The following RBSN variants were observed in gnomAD, a reference collection of about 807,000 sequenced individuals.
The protein encoded by RBSN is rabenosyn-5.
In RBSN, 34 loss-of-function variants were observed where a neutral mutation model predicts 60.5. That is an observed-to-expected ratio of 0.56 (90% CI 0.43 to 0.75). The LOEUF (loss-of-function observed/expected upper bound fraction) is 0.75, where lower values mean the gene tolerates loss of function less well. Ranked by LOEUF, RBSN falls within the 30% of genes least tolerant of loss-of-function variation. The pLI is 0.00. For synonymous variants in RBSN, 322 were observed against 366.9 expected (o/e 0.88, Z 1.40); for missense variants, 845 against 986.8 (o/e 0.86, Z 1.92).
intron 9 of RBSN, among the ~76,000 whole-genome samples, chr3:15,081,740 C>G (rs998584512): frequency 3.3e-5 from 5 of 152,262 alleles, no homozygotes; most frequent in Non-Finnish European, 7.3e-5. Context: ...ACTGCCTCCC[C>G]ACCCAGTCCA....
At position 15,073,522 on chromosome 3, in the gene RBSN, C is replaced by T. The variant is rs201461257; in HGVS notation, c.*260G>A. The T allele has an allele frequency of 3.1e-4, 139 of 443,328 alleles. 1 individual carries two copies. Among genetic ancestry groups the T allele is most frequent in the African/African-American group, 2.3e-3 (115 of 50,118 alleles). The allele number at this position is 443,328 out of a possible 1,614,324, so 27.5% of individuals were successfully genotyped here. A position where few individuals can be genotyped will look rare whatever the true frequency, so the allele number is the denominator to read the frequency against. ...AGTCCCTTCAAAAGGGGTAAACCTCCGATTACAAAAGATAGTAATAATAAA... is the reference window on the plus strand; with the variant it reads ...AGTCCCTTCAAAAGGGGTAAACCTCTGATTACAAAAGATAGTAATAATAAA... On this transcript the variant is annotated 3_prime_UTR_variant, in exon 14 of 14. Coordinates refer to ENST00000253699, the MANE Select transcript of RBSN (RefSeq NM_022340.4).
intron 5 of RBSN, among the ~76,000 whole-genome samples, chr3:15,086,683 T>C (rs189846747): frequency 6.6e-6 from 1 of 152,370 alleles, no homozygotes; most frequent in East Asian, 1.9e-4. Flanking sequence ...ATTTTTGAAT[T>C]ATCTTATTGT....
At chr3:15,075,433 A>G (rs1345202887) in intron 13 of RBSN, 173 bp downstream of exon 13, 2 of 710,594 alleles carry the variant, frequency 2.8e-6, no homozygotes, top group Admixed American at 4.0e-5. Flanking sequence ...GAGAAAAACA[A>G]TTATTCTAGT....
chr3:15,084,888 T>C lies in RBSN; in HGVS notation c.445A>G (p.Lys149Glu). 6.2e-7 allele frequency: 1 copy of C among 1,613,674 alleles called. No homozygotes were observed. The highest frequency in any genetic ancestry group is 8.5e-7 in the Non-Finnish European group (1 of 1,179,754). Reference sequence around the variant, plus strand: ...TCGTTGACCCAAGGCACCACAGACTTTTCTATTGCTTTGGGAAGAGCAAAC... The same window carrying C: ...TCGTTGACCCAAGGCACCACAGACTCTTCTATTGCTTTGGGAAGAGCAAAC... ...TESAKIRAIE[K>E]SVVPWVNDQD... The change falls in exon 8 of 14, where the codon AAG becomes GAG. Residue 149 changes from lysine to glutamate, a missense_variant. By Grantham distance (56) the Lys-to-Glu change is moderately conservative. Coordinates refer to ENST00000253699, the MANE Select transcript of RBSN (RefSeq NM_022340.4). The surrounding 1 kb of genome is among the most constrained non-coding windows in gnomAD (Gnocchi z 4.2).
intron 13 of RBSN, 136 bp from the exon 14 acceptor site, chr3:15,075,066 A>G: frequency 8.5e-6 from 9 of 1,060,338 alleles, no homozygotes; most frequent in Non-Finnish European, 1.2e-5. Context: ...AAGATATCCA[A>G]CTGCTAAAAT....
intron 9 of RBSN, 173 bp from the exon 10 acceptor site, chr3:15,080,975 G>A: frequency 1.7e-6 from 1 of 588,168 alleles, no homozygotes; most frequent in East Asian, 2.8e-5. Context: ...AATTTTGTAG[G>A]AAGGAAAGAA....
rs1428509346 is a variant in RBSN, at chr3:15,082,384, T to C, written c.823A>G (p.Ile275Val). 2.5e-6 allele frequency: 4 copies of C among 1,613,200 alleles called. No individual in the cohort carries two copies. The highest frequency in any genetic ancestry group is 1.1e-5 in the South Asian group (1 of 91,078). The change falls in exon 9 of 14, where the codon ATC (isoleucine) becomes GTC (valine). Residue 275 changes from isoleucine to valine, a missense_variant. Coordinates refer to ENST00000253699, the MANE Select transcript of RBSN (RefSeq NM_022340.4). This position sits in a 1 kb window ranked among gnomAD's most constrained non-coding sequence, Gnocchi z 4.2. ...CGAATCACCTCGTAGAGCTTCACGA[T>C]GTCAGGTGTGTGCTCCTTCTCATCA... Reference protein sequence around the residue: ...QIDEKEHTPDIVKLYEKLRLC... With the variant: ...QIDEKEHTPDVVKLYEKLRLC...
At chr3:15,078,785 T>C (rs1436758066) in intron 10 of RBSN, among the ~76,000 whole-genome samples, 237 of 37,170 alleles carry the variant, frequency 6.4e-3, no homozygotes, top group Non-Finnish European at 9.2e-3. Flanking sequence ...AATACATATA[T>C]ATATATATAT....
intron 8 of RBSN, among the ~76,000 whole-genome samples, chr3:15,083,920 A>G (rs983408025): frequency 1.3e-5 from 2 of 152,094 alleles, no homozygotes; most frequent in African/African-American, 2.4e-5. Flanking sequence ...TTCATTGTAC[A>G]TCTCTCTTTA....
chr3:15,087,782 G>A (rs368208405), intron 5 of RBSN, among the ~76,000 whole-genome samples: 1 of 151,298 alleles, frequency 6.6e-6, no homozygotes, highest in Non-Finnish European at 1.5e-5. Flanking sequence ...CACCATGCCA[G>A]GCTAATTTTT....
chr3:15,074,936 G>A lies in RBSN; in HGVS notation c.1207-6C>T. 6.2e-7 allele frequency: 1 copy of A among 1,602,614 alleles called. No individual in the cohort carries two copies. Among genetic ancestry groups the A allele is most frequent in the Non-Finnish European group, 8.5e-7 (1 of 1,175,656 alleles). ...CGCTGGGACTCCAGGGCAGCCTGGG[G>A]AGAGAGCAAAGCAGAGAGAAGAAAC... On this transcript the variant is annotated splice_polypyrimidine_tract_variant and splice_region_variant and intron_variant, in intron 13 of 13. Coordinates refer to ENST00000253699, the MANE Select transcript of RBSN (RefSeq NM_022340.4). The surrounding 1 kb of genome is among the most constrained non-coding windows in gnomAD (Gnocchi z 6.4).
chr3:15,076,460 CTTTGT>C (rs1242438796), intron 12 of RBSN, among the ~76,000 whole-genome samples: 2 of 151,930 alleles, frequency 1.3e-5, no homozygotes, highest in Admixed American at 6.6e-5. Context: ...AAAAAAAACA[CTTTGT>C]TTTAATTTAA....
intron 4 of RBSN, chr3:15,095,683 C>T (rs930302953): frequency 7.4e-6 from 4 of 538,162 alleles, no homozygotes; most frequent in Non-Finnish European, 1.3e-5. Context: ...ACAGCAATTA[C>T]ATTTACTAGA....
In RBSN at chr3:15,072,708, G is replaced by C. The variant is rs1575080176; in HGVS notation, c.*1074C>G. On this transcript the variant is annotated 3_prime_UTR_variant, in exon 14 of 14. Transcript: ENST00000253699. Reference sequence around the variant, plus strand: ...AAATAATACTAATATCAACCAAAAAGTTAACCACTCTTATTTTTTTTTGAG... The same window carrying C: ...AAATAATACTAATATCAACCAAAAACTTAACCACTCTTATTTTTTTTTGAG... 1 of 151,818 alleles carries C rather than the reference G, an allele frequency of 6.6e-6. No individual in the cohort carries two copies. The highest frequency in any genetic ancestry group is 1.9e-4 in the East Asian group (1 of 5,174). The allele number at this position is 151,818 out of a possible 1,614,324, so 9.4% of individuals were successfully genotyped here.
intron 6 of RBSN, among the ~76,000 whole-genome samples, chr3:15,085,374 TA>T (rs1181817542): frequency 2.0e-5 from 3 of 152,174 alleles, no homozygotes; most frequent in African/African-American, 7.2e-5. Flanking sequence ...TCCTGGACCC[TA>T]AAACTGGCCA....
At chr3:15,098,646 C>T (rs1228183362) in intron 1 of RBSN, among the ~76,000 whole-genome samples, 1 of 152,050 alleles carries the variant, frequency 6.6e-6, no homozygotes, top group Non-Finnish European at 1.5e-5. Flanking sequence ...ACACACAACA[C>T]GAACGACTCA....
At position 15,072,990 on chromosome 3, in the gene RBSN, G is replaced by A. The variant is rs973681296; in HGVS notation, c.*792C>T. On this transcript the variant is annotated 3_prime_UTR_variant, in exon 14 of 14. Coordinates refer to ENST00000253699, the MANE Select transcript of RBSN (RefSeq NM_022340.4). The stretch of plus-strand genomic sequence containing the variant: ...GGCCTCCCAAAGTGTTGCGATTACA[G>A]GCGTGAGCCAGCGCGCCCGGCCACC... The A allele has an allele frequency of 4.6e-5, 7 of 152,408 alleles. No homozygotes were observed. Among genetic ancestry groups the A allele is most frequent in the Admixed American group, 4.6e-4 (7 of 15,302 alleles). The allele number at this position is 152,408 out of a possible 1,614,324, so 9.4% of individuals were successfully genotyped here.
In RBSN at chr3:15,099,051, G is replaced by C. The variant is rs1029912114; in HGVS notation, c.-517C>G. On this transcript the variant is annotated 5_prime_UTR_variant, in exon 1 of 14. Transcript: ENST00000253699. The stretch of plus-strand genomic sequence containing the variant: ...TGTATGTACCCTGCCGGGCTCCTGC[G>C]GGCACCCAGGTTTGTCCCCCCCTTC... The C allele has an allele frequency of 6.6e-6, 1 of 152,336 alleles. No individual in the cohort carries two copies. The highest frequency in any genetic ancestry group is 2.4e-5 in the African/African-American group (1 of 41,448). 9.4% of individuals were successfully genotyped at this position (152,336 alleles called of 1,614,324 possible).
intron 4 of RBSN, chr3:15,095,595 T>G (rs1263331905): frequency 2.7e-6 from 1 of 373,546 alleles, no homozygotes; most frequent in East Asian, 4.2e-5. Flanking sequence ...ATAATGTGCC[T>G]CCATCATCAT....
Sources: gnomAD v4.1 joint callset for allele counts (sites outside exome capture counted in the v4.1 genomes callset) on GRCh38, gnomAD v4.1.1 for gene constraint, Gnocchi (gnomAD v3.1) non-coding constraint, MANE v1.5 for transcripts, NCBI Gene and HGNC (gene_info 2026-07-23, HGNC 2026-07-21) for gene names.